The following SUPT6H variants were observed in gnomAD, a reference collection of about 807,000 sequenced individuals.
SUPT6H encodes SPT6 homolog, histone chaperone and transcription elongation factor, also known as transcription elongation factor SPT6.
SUPT6H carries 11 observed loss-of-function variants against 222.3 expected under a neutral mutation model. That is an observed-to-expected ratio of 0.05 (90% confidence interval 0.03 to 0.08). The LOEUF (loss-of-function observed/expected upper bound fraction) is 0.08. Among genes scored for constraint, SUPT6H ranks in the 10% least tolerant of loss-of-function variants. SUPT6H has a pLI of 1.00. For synonymous variants in SUPT6H, 762 were observed against 801.2 expected, an observed-to-expected ratio of 0.95 and a Z score of 0.83; for missense variants, 1,422 against 2,216.0, an observed-to-expected ratio of 0.64 and a Z score of 7.19.
intron 3 of SUPT6H, 32 bp from the exon 4 acceptor site, chr17:28,674,505 C>G (rs556253050): frequency 6.2e-7 from 1 of 1,614,038 alleles, no homozygotes; most frequent in East Asian, 2.2e-5. Flanking sequence ...AAGGGCAACC[C>G]CATCACCATG....
chr17:28,695,047 C>T (rs760368227), intron 28 of SUPT6H: 18 of 298,036 alleles, frequency 6.0e-5, no homozygotes, highest in Admixed American at 2.3e-4. Flanking sequence ...TTTGATGGCA[C>T]CTTGGGAGCA....
rs546567136 is a variant in SUPT6H at position 28,688,342 on chromosome 17, G to A, written c.3134+124G>A. 3 of 1,290,504 alleles carry A rather than the reference G, an allele frequency of 2.3e-6. No individual in the cohort carries two copies. Among genetic ancestry groups the A allele is most frequent in the South Asian group, 1.7e-5 (1 of 59,812 alleles). 79.9% of individuals were successfully genotyped at this position (1,290,504 alleles called of 1,614,324 possible). ...AACTTAGGAAATGTTTTAAAGAAAA[G>A]GTAAGGAACTTTATTCAGTCAAGAG... is the stretch of plus-strand genomic sequence containing the variant. On this transcript the variant is annotated intron_variant, in intron 24 of 36. Transcript: ENST00000314616. This position sits in a 1 kb window ranked among gnomAD's most constrained non-coding sequence, Gnocchi z 4.3.
intron 30 of SUPT6H, 34 bp downstream of exon 30, chr17:28,697,116 C>T (rs760991304): frequency 1.9e-6 from 3 of 1,591,798 alleles, no homozygotes; most frequent in Non-Finnish European, 1.7e-6. Context: ...TCCCATCCCA[C>T]TCCTGCTTCC....
rs971725651 is a variant in SUPT6H at position 28,678,694 on chromosome 17, G to A, written c.1206+60G>A. 6.2e-6 allele frequency: 10 copies of A among 1,611,110 alleles called. No homozygotes were observed. The African/African-American group carries it at 1.1e-4, about 17-fold the overall frequency. On this transcript the variant is annotated intron_variant, in intron 10 of 36. Transcript: ENST00000314616. ...CCAGGGAAGGCACCATTACTACCAG[G>A]ATACCACAAACCCAAACCCCCCAGG...
rs1427309411 is a variant in SUPT6H at position 28,686,344 on chromosome 17, A to C, written c.2493A>C (p.Gln831His). ...WREEEREKKA[Q>H]DIETLKKFLL... ...TCAATTTTCTTTCAATCCAGGCTCA[A>C]GACATTGAAACGCTAAAGAAATTTC... The change falls in exon 20 of 37, where the codon CAA becomes CAC. Residue 831 changes from glutamine (Q) to histidine (H), a missense_variant. Transcript: ENST00000314616. The C allele has an allele frequency of 1.2e-6, 2 of 1,614,080 alleles. No individual in the cohort carries two copies. The highest frequency in any genetic ancestry group is 1.7e-6 in the Non-Finnish European group (2 of 1,180,002).
rs751191064 is a variant in SUPT6H at position 28,687,251 on chromosome 17, C to G, written c.2838+26C>G. The G allele has an allele frequency of 3.7e-6, 6 of 1,613,928 alleles. No homozygotes were observed. In the South Asian group the frequency reaches 5.5e-5, roughly 15 times the overall value. On this transcript the variant is annotated intron_variant, in intron 22 of 36. Coordinates refer to ENST00000314616, the MANE Select transcript of SUPT6H (RefSeq NM_003170.5). ...GTGAGTAGGATTTGACAGGCAGGCTCGGGTGAAGGGAAAGGCAGAGTAACC... is the reference window on the plus strand; with the variant it reads ...GTGAGTAGGATTTGACAGGCAGGCTGGGGTGAAGGGAAAGGCAGAGTAACC...
intron 27 of SUPT6H, chr17:28,691,402 TG>T (rs1421526697): frequency 1.3e-5 from 3 of 229,510 alleles, no homozygotes; most frequent in Non-Finnish European, 2.7e-5. Flanking sequence ...GGCATACGCC[TG>T]TAATCCTAGC....
rs116745295 is a variant in SUPT6H, at chr17:28,665,917, G to A, written c.-32+3575G>A. Among the ~76,000 whole-genome samples, 1,297 of 152,252 alleles carry A rather than the reference G, an allele frequency of 8.5e-3. 15 individuals are homozygous for A. The highest frequency in any genetic ancestry group is 0.029 in the African/African-American group (1,206 of 41,538). ...GGTGACAGAGCAGGACCCCATCTCA[G>A]AAAATAATAAGTTTTTGTTGGATTA... is the stretch of plus-strand genomic sequence containing the variant. On this transcript the variant is annotated intron_variant, in intron 1 of 36. Coordinates refer to ENST00000314616, the MANE Select transcript of SUPT6H (RefSeq NM_003170.5).
chr17:28,691,122 C>G, intron 27 of SUPT6H, 59 bp downstream of exon 27: 1 of 1,564,656 alleles, frequency 6.4e-7, no homozygotes, highest in East Asian at 2.3e-5. Flanking sequence ...ATCTCGGTGC[C>G]TAGAAGGGAA....
intron 23 of SUPT6H, 149 bp downstream of exon 23, chr17:28,687,620 A>G (rs779154226): frequency 3.4e-5 from 31 of 908,154 alleles, no homozygotes; most frequent in Middle Eastern, 3.5e-4. Context: ...AAAGAGTCTG[A>G]CTTCAGACCC....
chr17:28,667,410 T>TATAA (rs1156990862), intron 1 of SUPT6H, among the ~76,000 whole-genome samples: 1 of 100,934 alleles, frequency 9.9e-6, no homozygotes, highest in African/African-American at 6.2e-5. Context: ...TGTGTGTATA[T>TATAA]ATATATATAT....
intron 7 of SUPT6H, among the ~76,000 whole-genome samples, chr17:28,677,413 C>T (rs1468863172): frequency 2.7e-5 from 4 of 150,922 alleles, no homozygotes; most frequent in Admixed American, 6.6e-5. Flanking sequence ...GGCGTGGTGG[C>T]GGGCACCTAT....
In SUPT6H at chr17:28,695,483, C is replaced by T. The variant is rs751845799; in HGVS notation, c.3906C>T (p.Asp1302=). The T allele has an allele frequency of 2.5e-6, 4 of 1,613,990 alleles. No homozygotes were observed. Among genetic ancestry groups the T allele is most frequent in the South Asian group, 2.2e-5 (2 of 91,080 alleles). The change falls in exon 29 of 37, where the codon GAC becomes GAT. Residue 1302 remains aspartate (D), a synonymous_variant. Transcript: ENST00000314616. ...EWKLPKDTYY[D]FDAEAADHKQ... is the part of the protein sequence containing the mutation. Reference sequence around the variant, plus strand: ...AGCTGCCCAAAGACACCTACTATGACTTTGATGCTGAAGCTGCAGACCACA... The same window carrying T: ...AGCTGCCCAAAGACACCTACTATGATTTTGATGCTGAAGCTGCAGACCACA...
chr17:28,701,423 T>A lies in SUPT6H; in HGVS notation c.4995-16T>A. ...TTCTAGCAAAGTCCCAATCTCAACT[T>A]TTCTTCCCCTCCCAGGTCCAACAGC... On this transcript the variant is annotated splice_polypyrimidine_tract_variant and intron_variant, in intron 36 of 36. Transcript: ENST00000314616. 1 of 1,609,872 alleles carries A rather than the reference T, an allele frequency of 6.2e-7. No homozygotes were observed. The highest frequency in any genetic ancestry group is 1.7e-5 in the Admixed American group (1 of 59,882).
At position 28,699,796 on chromosome 17, in the gene SUPT6H, G is replaced by A. The variant is rs372490656; in HGVS notation, c.4464G>A (p.Thr1488=). 4.3e-6 allele frequency: 7 copies of A among 1,613,966 alleles called. No individual in the cohort carries two copies. Among genetic ancestry groups the A allele is most frequent in the African/African-American group, 1.3e-5 (1 of 74,918 alleles). ...AAAATCCTAGGATAGAATATGTAACGGTGACTCCAGAGGGATTCCGGTACC... is the reference window on the plus strand; with the variant it reads ...AAAATCCTAGGATAGAATATGTAACAGTGACTCCAGAGGGATTCCGGTACC... The part of the protein sequence containing the change: ...PRGKPRIEYV[T]VTPEGFRYRG... The change falls in exon 33 of 37, where the codon ACG becomes ACA. Residue 1488 remains threonine, a synonymous_variant. Coordinates refer to ENST00000314616, the MANE Select transcript of SUPT6H (RefSeq NM_003170.5).
At chr17:28,690,276 C>A in intron 26 of SUPT6H, 47 bp downstream of exon 26, 1 of 1,602,948 alleles carries the variant, frequency 6.2e-7, no homozygotes, top group Non-Finnish European at 8.5e-7. Context: ...GGTGTGTTTA[C>A]TGTGTACATT....
intron 11 of SUPT6H, 142 bp from the exon 12 acceptor site, chr17:28,681,114 A>G: frequency 1.3e-6 from 1 of 797,230 alleles, no homozygotes; most frequent in Non-Finnish European, 2.0e-6. Flanking sequence ...AATAATAACA[A>G]TAGTAATAAT....
chr17:28,678,320 G>A, intron 9 of SUPT6H, 128 bp downstream of exon 9: 1 of 879,178 alleles, frequency 1.1e-6, no homozygotes, highest in South Asian at 1.5e-5. Context: ...CAAGTGTTAG[G>A]ACCAGCAGAG....
Position 28,684,831 on chromosome 17 carries a change from G to C in SUPT6H, c.2370-13G>C, listed in dbSNP as rs1354136528. 6.2e-7 allele frequency: 1 copy of C among 1,613,858 alleles called. No homozygotes were observed. Among genetic ancestry groups the C allele is most frequent in the South Asian group, 1.1e-5 (1 of 91,056 alleles). ...CTGATTATTGCATTCTTGTTTTTCT[G>C]TCTGTCTGGCAGAGATCACCCTGTG... On this transcript the variant is annotated splice_polypyrimidine_tract_variant and intron_variant, in intron 18 of 36. Transcript: ENST00000314616.
Sources: allele counts gnomAD v4.1 joint callset (sites outside exome capture counted in the v4.1 genomes callset), GRCh38; gene constraint gnomAD v4.1.1; non-coding constraint Gnocchi (gnomAD v3.1); transcripts MANE v1.5; gene names NCBI Gene and HGNC (gene_info 2026-07-23, HGNC 2026-07-21).